Variants in SEM1 observed in about 807,000 individuals in gnomAD.
SEM1 encodes SEM1 26S proteasome subunit.
SEM1 carries 3 observed loss-of-function variants against 12.7 expected under a neutral mutation model. The observed-to-expected ratio is 0.24, with a 90% CI of 0.11 to 0.61. The LOEUF (loss-of-function observed/expected upper bound fraction) is 0.61. Among genes scored for constraint, SEM1 ranks in the 20% least tolerant of loss-of-function variants. The pLI is 0.88. For missense variants in SEM1, 59 were observed against 81.3 expected (o/e 0.73, Z 1.06); for synonymous variants, 30 against 27.8 (o/e 1.08, Z -0.25).
chr7:96,654,475 T>G (rs1328726774), intron 2 of SEM1, among the ~76,000 whole-genome samples: 2 of 152,170 alleles, frequency 1.3e-5, no homozygotes, highest in African/African-American at 4.8e-5. Context: ...ACTTTGAATT[T>G]TGAATTTTGA....
At chr7:96,672,303 TA>T (rs1789337499), downstream of SEM1, among the ~76,000 whole-genome samples, 1 of 152,184 alleles carries the variant, frequency 6.6e-6, no homozygotes, top group Non-Finnish European at 1.5e-5. Context: ...TGCAGATAGC[TA>T]CCCAAAAGTT....
intron 2 of SEM1, among the ~76,000 whole-genome samples, chr7:96,557,814 C>T (rs1252387339): frequency 3.3e-5 from 5 of 152,108 alleles, no homozygotes; most frequent in African/African-American, 1.2e-4. Context: ...GCAGTTTGAT[C>T]TCAGACTGCT....
Position 96,522,732 on chromosome 7 carries a change from C to CAAA in SEM1, c.171-16037_171-16035dup, listed in dbSNP as rs34796190. Among the ~76,000 whole-genome samples the CAAA allele has an allele frequency of 1.3e-4, 17 of 129,556 alleles. No homozygotes were observed. In the East Asian group the frequency reaches 1.9e-3, roughly 14 times the overall value. The allele number at this position is 129,556 out of a possible 152,430, so 85.0% of individuals were successfully genotyped here. ...GTCTCTACTAAAAATACCCCCCCCC[C>CAAA]AAAAAAAAATTAGCCGGATGTGGTG... is the stretch of plus-strand genomic sequence containing the variant. On this transcript the variant is annotated intron_variant and NMD_transcript_variant, in intron 2 of 3. Transcript: ENST00000466986.
chr7:96,548,681 G>A (rs1248093585), intron 2 of SEM1, among the ~76,000 whole-genome samples: 3 of 151,916 alleles, frequency 2.0e-5, no homozygotes, highest in South Asian at 2.1e-4. Flanking sequence ...TTTTTTAATT[G>A]TCCTCTTCTC....
intron 1 of SEM1, among the ~76,000 whole-genome samples, chr7:96,699,100 G>A (rs1295856570): frequency 6.6e-6 from 1 of 151,910 alleles, no homozygotes; most frequent in Admixed American, 6.6e-5. Flanking sequence ...TCAAATTACT[G>A]AGTCAAGGGT....
intron 2 of SEM1, among the ~76,000 whole-genome samples, chr7:96,596,688 C>G (rs1363074704): frequency 6.6e-6 from 1 of 152,128 alleles, no homozygotes; most frequent in Non-Finnish European, 1.5e-5. Flanking sequence ...ACACATGGAA[C>G]ACACTCAGAA....
At chr7:96,492,368 G>T (rs940637132) in intron 1 of SEM1, among the ~76,000 whole-genome samples, 1 of 151,956 alleles carries the variant, frequency 6.6e-6, no homozygotes, top group Non-Finnish European at 1.5e-5. Context: ...TTGATATAAT[G>T]CCCTCAAGCT....
intron 2 of SEM1, among the ~76,000 whole-genome samples, chr7:96,604,870 G>A (rs1162346534): frequency 2.0e-5 from 3 of 147,774 alleles, no homozygotes; most frequent in Non-Finnish European, 4.5e-5. Context: ...AGCGAGCCAA[G>A]ATTATGCCAC....
At position 96,595,312 on chromosome 7, in the gene SEM1, A is replaced by G. The variant is rs990813130; in HGVS notation, c.171-88614T>C. ...AGGATCACTTGAGCCCAGGCATTTG[A>G]GACCAGTGTGGGCAACATGGCAAAA... is the stretch of plus-strand genomic sequence containing the variant. On this transcript the variant is annotated intron_variant and NMD_transcript_variant, in intron 2 of 3. Coordinates refer to the SEM1 transcript ENST00000466986. 5.9e-5 allele frequency among the ~76,000 whole-genome samples: 9 copies of G among 152,308 alleles called. No homozygotes were observed. The East Asian group carries it at 1.7e-3, about 29-fold the overall frequency.
At position 96,496,248 on chromosome 7, in the gene SEM1, A is replaced by G. The variant is rs1242140002; in HGVS notation, c.12+36T>C. The G allele has an allele frequency of 3.6e-6, 5 of 1,379,570 alleles. No homozygotes were observed. The South Asian group carries it at 6.3e-5, about 17-fold the overall frequency. 85.5% of individuals were successfully genotyped at this position (1,379,570 alleles called of 1,614,324 possible). A position where few individuals can be genotyped will look rare whatever the true frequency, so the allele number is the denominator to read the frequency against. On this transcript the variant is annotated intron_variant, in intron 1 of 3. Coordinates refer to the SEM1 transcript ENST00000356686. ...TCATGTAGAGGATTATATTTAATAA[A>G]AGCCACATATTGATATAATCCATAT...
chr7:96,533,599 C>T (rs567614441), intron 2 of SEM1, among the ~76,000 whole-genome samples: 6 of 152,058 alleles, frequency 3.9e-5, no homozygotes, highest in East Asian at 3.9e-4. Context: ...AAACGGCAGG[C>T]GCTGAATTAT....
intron 2 of SEM1, among the ~76,000 whole-genome samples, chr7:96,602,601 G>A (rs571644422): frequency 2.1e-4 from 32 of 152,200 alleles, no homozygotes; most frequent in African/African-American, 5.8e-4. Flanking sequence ...CCCACTGATG[G>A]GTAGTAACCC....
intron 1 of SEM1, chr7:96,697,315 C>T (rs1019929384): frequency 4.6e-5 from 7 of 152,020 alleles, no homozygotes; most frequent in African/African-American, 1.4e-4. Context: ...TTGAGAATTA[C>T]ATCTGTGACT....
chr7:96,553,521 T>A (rs112036483), intron 2 of SEM1, among the ~76,000 whole-genome samples: 1 of 152,078 alleles, frequency 6.6e-6, no homozygotes, highest in African/African-American at 2.4e-5. Context: ...GCAGCATTAT[T>A]TCTGAGGGCT....
chr7:96,631,262 G>A (rs1002385300), intron 2 of SEM1, among the ~76,000 whole-genome samples: 4 of 152,178 alleles, frequency 2.6e-5, no homozygotes, highest in African/African-American at 9.7e-5. Context: ...TGTAGCCCAT[G>A]GTGGCAAGGC....
chr7:96,483,771 G>C (rs1235724133), exon 4 of SEM1: 4 of 1,499,140 alleles, frequency 2.7e-6, no homozygotes, highest in Non-Finnish European at 3.6e-6. Context: ...TGAAGACAGA[G>C]AGCCAGGGAT....
chr7:96,563,142 G>C (rs1158974981), intron 2 of SEM1, among the ~76,000 whole-genome samples: 1 of 152,054 alleles, frequency 6.6e-6, no homozygotes, highest in Non-Finnish European at 1.5e-5. Context: ...TTCCTGAGTA[G>C]ACAAGAGGTG....
At chr7:96,657,884 G>C (rs902424988) in intron 2 of SEM1, among the ~76,000 whole-genome samples, 1 of 152,114 alleles carries the variant, frequency 6.6e-6, no homozygotes, top group Admixed American at 6.5e-5. Context: ...GCGCCTGGTG[G>C]GGAGGCCCGA....
chr7:96,581,147 A>G (rs1806388064), intron 2 of SEM1, among the ~76,000 whole-genome samples: 1 of 152,102 alleles, frequency 6.6e-6, no homozygotes, highest in African/African-American at 2.4e-5. Flanking sequence ...TGATTTTTGT[A>G]TAAGGTGTAA....
Sources: allele counts gnomAD v4.1 joint callset (sites outside exome capture counted in the v4.1 genomes callset), GRCh38; gene constraint gnomAD v4.1.1; transcripts MANE v1.5; gene names NCBI Gene and HGNC (gene_info 2026-07-23, HGNC 2026-07-21).